LSS: variants seen among roughly 807,000 people sequenced by gnomAD.
The protein encoded by LSS is 2,3-epoxysqualene-lanosterol cyclase.
In LSS, 90 loss-of-function variants were observed where a neutral mutation model predicts 110.3. The observed-to-expected ratio is 0.82, with a 90% CI of 0.69 to 0.97. The LOEUF is 0.97. Ranked by LOEUF, LSS falls within the 50% of genes least tolerant of loss-of-function variation. LSS has a pLI of 0.00. For missense variants in LSS, 927 were observed against 990.0 expected, an observed-to-expected ratio of 0.94 and a Z score of 0.85; for synonymous variants, 433 against 400.0, an observed-to-expected ratio of 1.08 and a Z score of -0.98.
intron 17 of LSS, among the ~76,000 whole-genome samples, chr21:46,201,491 A>G (rs1204760661): frequency 7.7e-5 from 5 of 64,538 alleles, no homozygotes; most frequent in African/African-American, 1.3e-4. Context: ...ACGTGGGAGG[A>G]CAGGTCATGA....
At chr21:46,227,440 G>T in intron 3 of LSS, 112 bp downstream of exon 3, 1 of 1,364,714 alleles carries the variant, frequency 7.3e-7, no homozygotes, top group Non-Finnish European at 9.9e-7. Flanking sequence ...CCCTTTTCTT[G>T]TGAGCCCCTG....
intron 9 of LSS, 43 bp downstream of exon 9, chr21:46,215,137 A>G (rs780048116): frequency 6.4e-7 from 1 of 1,554,048 alleles, no homozygotes; most frequent in Admixed American, 1.7e-5. Flanking sequence ...TTCGGACCTC[A>G]ACCCCCAGGG....
chr21:46,219,682 G>T, intron 5 of LSS, 110 bp from the exon 6 acceptor site: 1 of 606,970 alleles, frequency 1.6e-6, no homozygotes. Flanking sequence ...CCCTCTCCAT[G>T]AGGCAAGGGC....
rs761886272 is a variant in LSS at position 46,219,487 on chromosome 21, G to C, written c.636C>G (p.Phe212Leu). 2 of 1,594,882 alleles carry C rather than the reference G, an allele frequency of 1.3e-6. No homozygotes were observed. Among genetic ancestry groups the C allele is most frequent in the Non-Finnish European group, 1.7e-6 (2 of 1,170,818 alleles). Residue 212 changes from phenylalanine (F) to leucine (L), a missense_variant, in exon 6 of 22, where the codon TTC (phenylalanine) becomes TTG (leucine). Transcript: ENST00000397728. ...VYSWEGLNTL[F>L]PEMWLFPDWA... Reference sequence around the variant, plus strand: ...AACAGCAGACATACCACATCTCTGGGAACAGGGTATTGAGGCCTTCCCAGC... The same window carrying C: ...AACAGCAGACATACCACATCTCTGGCAACAGGGTATTGAGGCCTTCCCAGC...
intron 9 of LSS, 67 bp from the exon 10 acceptor site, chr21:46,213,902 C>A: frequency 8.8e-7 from 1 of 1,139,518 alleles, no homozygotes; most frequent in South Asian, 1.3e-5. Context: ...GACAAGGTCT[C>A]GTCCAGATCC....
At chr21:46,196,089 G>T in intron 18 of LSS, 113 bp downstream of exon 18, 1 of 1,116,978 alleles carries the variant, frequency 9.0e-7, no homozygotes. Context: ...CTCACTTCCA[G>T]AAACTTCTGG....
chr21:46,195,866 C>T (rs988720814), intron 18 of LSS, 110 bp from the exon 19 acceptor site: 3 of 826,168 alleles, frequency 3.6e-6, no homozygotes, highest in Admixed American at 2.0e-5. Context: ...CCACCAACTC[C>T]AGTGCCTCAG....
intron 3 of LSS, among the ~76,000 whole-genome samples, 194 bp from the exon 4 acceptor site, chr21:46,222,932 G>C (rs760523331): frequency 6.6e-6 from 1 of 152,214 alleles, no homozygotes; most frequent in Non-Finnish European, 1.5e-5. Context: ...GTCAGCCACA[G>C]CACAGGCGAT....
chr21:46,211,967 G>A (rs1247383999), intron 11 of LSS, among the ~76,000 whole-genome samples: 1 of 152,098 alleles, frequency 6.6e-6, no homozygotes, highest in Non-Finnish European at 1.5e-5. Flanking sequence ...TGTTGGGTGT[G>A]ACAACCTCAG....
intron 17 of LSS, among the ~76,000 whole-genome samples, chr21:46,196,805 G>A (rs939447058): frequency 1.3e-5 from 2 of 152,224 alleles, no homozygotes; most frequent in Admixed American, 6.5e-5. Flanking sequence ...ACCGAGGTCT[G>A]TGTGACCGCG....
intron 13 of LSS, among the ~76,000 whole-genome samples, chr21:46,208,504 G>T (rs1267992338): frequency 6.6e-6 from 1 of 152,208 alleles, no homozygotes; most frequent in Non-Finnish European, 1.5e-5. Context: ...CAGCTGCTGG[G>T]AAACGTGACT....
At chr21:46,205,965 A>C (rs989385959) in intron 16 of LSS, 24 bp from the exon 17 acceptor site, 3 of 1,555,012 alleles carry the variant, frequency 1.9e-6, no homozygotes, top group African/African-American at 1.3e-5. Context: ...GGAAGAACCA[A>C]GTGTTGGGTT....
In LSS at chr21:46,191,308, T is replaced by C. The variant is rs949711369; in HGVS notation, c.2068-73A>G. The C allele has an allele frequency of 8.9e-6, 14 of 1,567,580 alleles. No homozygotes were observed. The African/African-American group carries it at 1.8e-4, about 20-fold the overall frequency. On this transcript the variant is annotated intron_variant, in intron 21 of 21. Transcript: ENST00000397728. ...AGGGCTAGTCCCTGAACTGGAGCCC[T>C]GGCTGTTGGCTTGGCTGGCTTGTGG...
At chr21:46,206,565 G>C in intron 16 of LSS, 107 bp downstream of exon 16, 1 of 907,444 alleles carries the variant, frequency 1.1e-6, no homozygotes, top group Middle Eastern at 3.0e-4. Flanking sequence ...CGGTGAACCT[G>C]GGCCCTTGCA....
intron 20 of LSS, 44 bp from the exon 21 acceptor site, chr21:46,192,003 C>G: frequency 7.2e-7 from 1 of 1,388,838 alleles, no homozygotes; most frequent in Non-Finnish European, 1.0e-6. Context: ...TGCATGCCCC[C>G]ACAGCATCAT....
At chr21:46,227,408 G>T in intron 3 of LSS, 144 bp downstream of exon 3, 1 of 1,004,978 alleles carries the variant, frequency 1.0e-6, no homozygotes, top group Non-Finnish European at 1.4e-6. Flanking sequence ...GGACGACTCT[G>T]ACATAGGGCA....
intron 4 of LSS, 116 bp from the exon 5 acceptor site, chr21:46,222,091 G>A: frequency 8.5e-7 from 1 of 1,173,126 alleles, no homozygotes; most frequent in East Asian, 2.5e-5. Context: ...GCCTTAACCT[G>A]ACATAACATG....
rs1380131702 is a variant in LSS, at chr21:46,205,908, C to T, written c.1598G>A (p.Cys533Tyr). 1 of 1,611,062 alleles carries T rather than the reference C, an allele frequency of 6.2e-7. No homozygotes were observed. The highest frequency in any genetic ancestry group is 1.3e-5 in the African/African-American group (1 of 74,910). ...DIMIDYTYVE[C>Y]TSAVMQALKY... Reference sequence around the variant, plus strand: ...AAGCGCCTGCATCACGGCTGAGGTGCACTCCACATAGGTGTAGTCAATCAT... The same window carrying T: ...AAGCGCCTGCATCACGGCTGAGGTGTACTCCACATAGGTGTAGTCAATCAT... Residue 533 changes from cysteine to tyrosine, a missense_variant, in exon 17 of 22, where the codon TGC becomes TAC. Physicochemically the swap from Cys to Tyr is radical, Grantham distance 194. Coordinates refer to ENST00000397728, the MANE Select transcript of LSS (RefSeq NM_002340.6).
chr21:46,210,790 A>G, intron 11 of LSS, 46 bp from the exon 12 acceptor site: 1 of 1,570,624 alleles, frequency 6.4e-7, no homozygotes, highest in Non-Finnish European at 8.7e-7. Flanking sequence ...AGCCCCTCCC[A>G]CTCCCAGCCA....
Sources: allele counts gnomAD v4.1 joint callset (sites outside exome capture counted in the v4.1 genomes callset), GRCh38; gene constraint gnomAD v4.1.1; transcripts MANE v1.5; gene names NCBI Gene and HGNC (gene_info 2026-07-23, HGNC 2026-07-21).